Variants in CA10 observed in about 807,000 individuals in gnomAD.
CA10 encodes the protein carbonic anhydrase 10 (inactive).
A neutral mutation model predicts 44.2 loss-of-function variants in CA10; 14 were observed. The ratio of observed to expected loss-of-function variants is 0.32; its 90% confidence interval spans 0.21 to 0.50. The LOEUF (loss-of-function observed/expected upper bound fraction) is 0.50. Ranked by LOEUF, CA10 falls within the 20% of genes least tolerant of loss-of-function variation. The pLI, the probability that CA10 is intolerant of heterozygous loss-of-function variation, is 0.99. For synonymous variants in CA10, 159 were observed against 141.6 expected, an observed-to-expected ratio of 1.12 and a Z score of -0.87; for missense variants, 350 against 409.7, an observed-to-expected ratio of 0.85 and a Z score of 1.26.
intron 3 of CA10, among the ~76,000 whole-genome samples, chr17:51,811,883 C>T (rs1448841673): frequency 6.6e-6 from 1 of 152,158 alleles, no homozygotes; most frequent in Non-Finnish European, 1.5e-5. Context: ...TAGAACTAGC[C>T]CCATTTCCTG....
chr17:51,933,372 G>C (rs1372386824), intron 2 of CA10, among the ~76,000 whole-genome samples: 1 of 152,056 alleles, frequency 6.6e-6, no homozygotes, highest in Non-Finnish European at 1.5e-5. Flanking sequence ...GGTCAGCCAG[G>C]AGAGAAGATA....
At chr17:51,803,765 T>G (rs1449027169) in intron 3 of CA10, among the ~76,000 whole-genome samples, 8 of 152,350 alleles carry the variant, frequency 5.3e-5, no homozygotes, top group Admixed American at 2.0e-4. Context: ...TTAAATTTAC[T>G]TTTCAATGGT....
chr17:51,979,757 G>A lies in CA10; in HGVS notation c.137-48625C>T, dbSNP rs1162163850. Among the ~76,000 whole-genome samples, 10 of 152,054 alleles carry A rather than the reference G, an allele frequency of 6.6e-5. No individual in the cohort carries two copies. In the East Asian group the frequency reaches 7.7e-4, roughly 12 times the overall value. On this transcript the variant is annotated intron_variant, in intron 2 of 8. Transcript: ENST00000451037. ...TTTGTTTACATGGATTCCATGAAAT[G>A]CAGGAGCTACATTTTCTGTTACTGC...
At chr17:52,070,499 C>T (rs1356132548) in intron 2 of CA10, 1 of 152,192 alleles carries the variant, frequency 6.6e-6, no homozygotes, top group Non-Finnish European at 1.5e-5. Flanking sequence ...GGGAGCTGAG[C>T]TGGGTAGGTA....
intron 2 of CA10, among the ~76,000 whole-genome samples, chr17:52,053,491 TACTC>T (rs61359218): frequency 0.016 from 2,435 of 152,066 alleles, 71 homozygotes; most frequent in African/African-American, 0.056. Context: ...AATAAGAAAA[TACTC>T]AAACGGATAA....
intron 3 of CA10, among the ~76,000 whole-genome samples, chr17:51,885,143 C>A (rs1004025317): frequency 6.6e-6 from 1 of 152,146 alleles, no homozygotes; most frequent in Non-Finnish European, 1.5e-5. Context: ...ATTTTTACTT[C>A]ATTTTTTGTC....
Position 51,690,058 on chromosome 17 carries a change from C to T in CA10, c.466-36322G>A, listed in dbSNP as rs145978186. On this transcript the variant is annotated intron_variant, in intron 4 of 8. Coordinates refer to ENST00000451037, the MANE Select transcript of CA10 (RefSeq NM_020178.5). ...CACCTCCCAGGTTCAAGTGATTCTC[C>T]TGCCTCAGTCTCCCAAGTAGCTGGG... 6.8e-3 allele frequency among the ~76,000 whole-genome samples: 1,039 copies of T among 152,148 alleles called. 16 individuals carry two copies. The highest frequency in any genetic ancestry group is 0.024 in the African/African-American group (1,001 of 41,508).
chr17:51,981,624 G>T (rs1984657171), intron 2 of CA10, among the ~76,000 whole-genome samples: 1 of 151,900 alleles, frequency 6.6e-6, no homozygotes, highest in Admixed American at 6.6e-5. Flanking sequence ...AAAATTCACT[G>T]AATTTTACAG....
intron 4 of CA10, among the ~76,000 whole-genome samples, chr17:51,699,221 G>A (rs961230530): frequency 6.6e-6 from 1 of 151,938 alleles, no homozygotes; most frequent in Non-Finnish European, 1.5e-5. Context: ...TACTTGGGAG[G>A]CTGAGGCAGG....
intron 3 of CA10, among the ~76,000 whole-genome samples, chr17:51,929,999 G>T (rs1982587773): frequency 6.6e-6 from 1 of 152,126 alleles, no homozygotes; most frequent in Non-Finnish European, 1.5e-5. Context: ...GTCATTAGGG[G>T]TGTGTGTATC....
At chr17:51,742,915 C>T (rs533206234) in intron 4 of CA10, among the ~76,000 whole-genome samples, 4 of 152,212 alleles carry the variant, frequency 2.6e-5, no homozygotes, top group Admixed American at 6.5e-5. Flanking sequence ...CTAGTGAGAG[C>T]TATTTCATAA....
At chr17:51,900,835 C>T (rs142654626) in intron 3 of CA10, among the ~76,000 whole-genome samples, 460 of 152,194 alleles carry the variant, frequency 3.0e-3, no homozygotes, top group Non-Finnish European at 4.6e-3. Context: ...ATAAAATTCT[C>T]GAAGTCATTT....
In CA10 at chr17:52,157,900, C is replaced by A. The variant is rs1989843562; in HGVS notation, c.-114G>T. The A allele has an allele frequency of 1.2e-6, 1 of 824,624 alleles. No homozygotes were observed. The highest frequency in any genetic ancestry group is 1.4e-5 in the South Asian group (1 of 71,468). 51.1% of individuals were successfully genotyped at this position (824,624 alleles called of 1,614,324 possible). A position where few individuals can be genotyped will look rare whatever the true frequency, so the allele number is the denominator to read the frequency against. Reference sequence around the variant, plus strand: ...ACACACTTCCGAGCGAGTGCACACTCGCACTCCCACCCGACAGCCGGCCAG... The same window carrying A: ...ACACACTTCCGAGCGAGTGCACACTAGCACTCCCACCCGACAGCCGGCCAG... On this transcript the variant is annotated 5_prime_UTR_variant, in exon 1 of 9. Transcript: ENST00000451037.
chr17:51,987,670 G>A (rs1178165232), intron 2 of CA10, among the ~76,000 whole-genome samples: 1 of 151,902 alleles, frequency 6.6e-6, no homozygotes, highest in Non-Finnish European at 1.5e-5. Flanking sequence ...AAAAACTGCA[G>A]ATCTGACTAC....
intron 2 of CA10, among the ~76,000 whole-genome samples, chr17:51,944,427 CT>C (rs1983198261): frequency 6.6e-6 from 1 of 152,140 alleles, no homozygotes; most frequent in African/African-American, 2.4e-5. Context: ...GAGTCTGCAA[CT>C]TATCATCACG....
intron 2 of CA10, among the ~76,000 whole-genome samples, chr17:52,069,010 T>G (rs1186029361): frequency 6.6e-6 from 1 of 152,248 alleles, no homozygotes; most frequent in South Asian, 2.1e-4. Flanking sequence ...TTGATATTGC[T>G]GCTCCTGGCC....
At chr17:52,122,819 T>C (rs972928808) in intron 1 of CA10, among the ~76,000 whole-genome samples, 9 of 152,220 alleles carry the variant, frequency 5.9e-5, no homozygotes, top group African/African-American at 2.2e-4. Flanking sequence ...AAATTTAACA[T>C]TAACTTTTCC....
Position 51,916,544 on chromosome 17 carries a change from C to T in CA10, c.279+14446G>A, listed in dbSNP as rs527338718. Among the ~76,000 whole-genome samples the T allele has an allele frequency of 2.0e-5, 3 of 152,254 alleles. No homozygotes were observed. The South Asian group carries it at 6.2e-4, about 32-fold the overall frequency. The stretch of plus-strand genomic sequence containing the variant: ...GGTTTTATAAAAGGGAGTTTCCCTG[C>T]ACAAATTCTCTTGTCTGCTGCCGTG... On this transcript the variant is annotated intron_variant, in intron 3 of 8. Transcript: ENST00000451037.
chr17:51,762,646 A>G (rs7215670), intron 3 of CA10: 53,931 of 151,872 alleles, frequency 0.36, 10,100 homozygotes, highest in East Asian at 0.54. Flanking sequence ...AGGGCTTCAC[A>G]TAGTTCTATT....
Sources: gnomAD v4.1 joint callset for allele counts (sites outside exome capture counted in the v4.1 genomes callset) on GRCh38, gnomAD v4.1.1 for gene constraint, MANE v1.5 for transcripts, NCBI Gene and HGNC (gene_info 2026-07-23, HGNC 2026-07-21) for gene names.